PCCA: variants seen among roughly 807,000 people sequenced by gnomAD.
The protein encoded by PCCA is propionyl-CoA carboxylase subunit alpha.
PCCA carries 74 observed loss-of-function variants against 101.3 expected under a neutral mutation model. The observed-to-expected ratio is 0.73, with a 90% CI of 0.61 to 0.89. PCCA has a LOEUF of 0.89. PCCA is among the 40% of genes least tolerant of loss of function. PCCA has a pLI of 0.00. For missense variants in PCCA, 891 were observed against 907.0 expected (o/e 0.98, Z 0.23); for synonymous variants, 294 against 313.6 (o/e 0.94, Z 0.66).
At chr13:100,119,006 T>G (rs2049103712) in intron 4 of PCCA, among the ~76,000 whole-genome samples, 1 of 151,746 alleles carries the variant, frequency 6.6e-6, no homozygotes, top group South Asian at 2.1e-4. Context: ...TTGGGGTGAG[T>G]TTTTGAATCC....
chr13:100,279,639 C>G (rs957067378), intron 12 of PCCA, among the ~76,000 whole-genome samples: 8 of 152,164 alleles, frequency 5.3e-5, no homozygotes, highest in African/African-American at 1.9e-4. Context: ...CCACGCCTAG[C>G]TAATTTTTGT....
intron 6 of PCCA, among the ~76,000 whole-genome samples, chr13:100,160,154 A>C (rs1374169852): frequency 1.5e-4 from 23 of 152,124 alleles, no homozygotes. Context: ...TTTTATGCTG[A>C]GTTTACGCGA....
chr13:100,228,065 G>T (rs1278558716), intron 7 of PCCA, among the ~76,000 whole-genome samples: 2 of 151,980 alleles, frequency 1.3e-5, no homozygotes, highest in African/African-American at 4.8e-5. Context: ...ACCCAGGCTG[G>T]AGTGCAGTGG....
chr13:100,138,934 C>CAAAAAAAAAAAAAAAAAAAAAAAAAAA (rs34466523), intron 4 of PCCA, among the ~76,000 whole-genome samples: 1 of 83,114 alleles, frequency 1.2e-5, no homozygotes, highest in Non-Finnish European at 2.3e-5. Context: ...AACTCCATCT[C>CAAAAAAAAAAAAAAAAAAAAAAAAAAA]AAAAAAAAAA....
At chr13:100,264,216 C>CTCATATATGTGATATCTGTATA (rs2062777764) in intron 10 of PCCA, among the ~76,000 whole-genome samples, 1 of 103,432 alleles carries the variant, frequency 9.7e-6, no homozygotes, top group Non-Finnish European at 2.3e-5. Context: ...ATATCTGTAT[C>CTCATATATGTGATATCTGTATA]TCATATATAT....
intron 8 of PCCA, among the ~76,000 whole-genome samples, chr13:100,255,183 A>G (rs1193737922): frequency 6.6e-6 from 1 of 152,198 alleles, no homozygotes; most frequent in Non-Finnish European, 1.5e-5. Flanking sequence ...TTCCTGGGTT[A>G]CATGTATTCA....
intron 4 of PCCA, among the ~76,000 whole-genome samples, chr13:100,127,121 C>G (rs1035782100): frequency 1.3e-5 from 2 of 152,180 alleles, no homozygotes; most frequent in Non-Finnish European, 2.9e-5. Flanking sequence ...TGGACTATGA[C>G]TTTATTTAGC....
intron 6 of PCCA, among the ~76,000 whole-genome samples, chr13:100,181,346 A>T (rs1049075326): frequency 2.6e-5 from 4 of 152,236 alleles, no homozygotes; most frequent in Admixed American, 6.5e-5. Flanking sequence ...GAAATTATTT[A>T]AAAAATAAAG....
rs1042485673 is a variant in PCCA, at chr13:100,394,048, A to G, written c.1746+25474A>G. ...TAGTCCATAAAAATAACATTGTTGTAGAGCCTCTGTATGCGTCAGCTGTGA... is the reference window on the plus strand; with the variant it reads ...TAGTCCATAAAAATAACATTGTTGTGGAGCCTCTGTATGCGTCAGCTGTGA... On this transcript the variant is annotated intron_variant, in intron 19 of 23. Coordinates refer to ENST00000376285, the MANE Select transcript of PCCA (RefSeq NM_000282.4). This position sits in a 1 kb window ranked among gnomAD's most constrained non-coding sequence, Gnocchi z 4.3. Among the ~76,000 whole-genome samples the G allele has an allele frequency of 6.6e-6, 1 of 152,242 alleles. No individual in the cohort carries two copies. Among genetic ancestry groups the G allele is most frequent in the Non-Finnish European group, 1.5e-5 (1 of 68,046 alleles).
At position 100,309,745 on chromosome 13, in the gene PCCA, T is replaced by G. The variant is rs181511046; in HGVS notation, c.1354-88T>G. On this transcript the variant is annotated intron_variant, in intron 15 of 23. Coordinates refer to ENST00000376285, the MANE Select transcript of PCCA (RefSeq NM_000282.4). The stretch of plus-strand genomic sequence containing the variant: ...TCGAGATATATTTAGAAATCTGTTA[T>G]GAAATATTTTAATTTTTACTAAAAT... 739 of 843,756 alleles carry G rather than the reference T, an allele frequency of 8.8e-4. 8 individuals carry two copies. In the African/African-American group the frequency reaches 0.012, roughly 13 times the overall value. 52.3% of individuals were successfully genotyped at this position (843,756 alleles called of 1,614,324 possible).
At chr13:100,458,420 C>G (rs539313323) in intron 21 of PCCA, among the ~76,000 whole-genome samples, 2 of 106,106 alleles carry the variant, frequency 1.9e-5, no homozygotes, top group East Asian at 5.7e-4. Context: ...CCCATCTCTG[C>G]GCGCACACAC....
chr13:100,436,333 A>G (rs552357362), intron 20 of PCCA, among the ~76,000 whole-genome samples: 1 of 152,214 alleles, frequency 6.6e-6, no homozygotes, highest in Non-Finnish European at 1.5e-5. Context: ...TTGGCTGGCA[A>G]TCAGTCTGAT....
At chr13:100,340,095 A>G in intron 17 of PCCA, 62 bp from the exon 18 acceptor site, 1 of 902,378 alleles carries the variant, frequency 1.1e-6, no homozygotes, top group Non-Finnish European at 1.9e-6. Context: ...ATTCTATAGG[A>G]GAGAAGCACA....
At chr13:100,276,600 C>T (rs1020728521) in intron 12 of PCCA, among the ~76,000 whole-genome samples, 6 of 152,012 alleles carry the variant, frequency 3.9e-5, no homozygotes, top group Admixed American at 3.9e-4. Context: ...TTCTTATGCT[C>T]TCTTTGATAT....
intron 6 of PCCA, among the ~76,000 whole-genome samples, chr13:100,175,949 A>T (rs917333422): frequency 2.6e-5 from 4 of 152,220 alleles, no homozygotes; most frequent in Non-Finnish European, 5.9e-5. Context: ...GTAAGATGTG[A>T]ATACTACAGG....
intron 15 of PCCA, among the ~76,000 whole-genome samples, chr13:100,309,570 C>T (rs994500379): frequency 3.3e-5 from 5 of 152,054 alleles, no homozygotes; most frequent in Admixed American, 3.3e-4. Context: ...TTTTTCTGTA[C>T]TTACTTTTGT....
At chr13:100,164,913 A>C (rs1317359905) in intron 6 of PCCA, among the ~76,000 whole-genome samples, 1 of 152,196 alleles carries the variant, frequency 6.6e-6, no homozygotes, top group Non-Finnish European at 1.5e-5. Context: ...TACCTATTCT[A>C]GGTACCTCAC....
At position 100,525,194 on chromosome 13, in the gene PCCA, C is replaced by T. The variant is rs570139206; in HGVS notation, c.2041-2481C>T. ...GCTTGGATGGGGCAGAAGATGGGAT[C>T]GCTTCAGTGGGGACACGCCTTCTTT... On this transcript the variant is annotated intron_variant, in intron 22 of 23. Transcript: ENST00000376285. Among the ~76,000 whole-genome samples, 14 of 152,270 alleles carry T rather than the reference C, an allele frequency of 9.2e-5. No individual in the cohort carries two copies. In the East Asian group the frequency reaches 2.7e-3, roughly 29 times the overall value.
intron 6 of PCCA, among the ~76,000 whole-genome samples, chr13:100,164,043 CAT>C (rs1401920765): frequency 6.6e-6 from 1 of 152,110 alleles, no homozygotes; most frequent in Non-Finnish European, 1.5e-5. Flanking sequence ...TTATAGTTGT[CAT>C]ATGTATTTCA....
Sources: allele counts gnomAD v4.1 joint callset (sites outside exome capture counted in the v4.1 genomes callset), GRCh38; gene constraint gnomAD v4.1.1; non-coding constraint Gnocchi (gnomAD v3.1); transcripts MANE v1.5; gene names NCBI Gene and HGNC (gene_info 2026-07-23, HGNC 2026-07-21).